MAP4: variants seen among roughly 807,000 people sequenced by gnomAD.
MAP4 encodes the protein microtubule-associated protein 4.
A neutral mutation model predicts 170.2 loss-of-function variants in MAP4; 76 were observed. That is an observed-to-expected ratio of 0.45 (90% confidence interval 0.37 to 0.54). MAP4 has a LOEUF of 0.54. Among genes scored for constraint, MAP4 ranks in the 20% least tolerant of loss-of-function variants. The probability of loss-of-function intolerance (pLI) is 0.00; values close to 1 mark genes in which losing one functional copy is unlikely to be tolerated. For missense variants in MAP4, 2,506 were observed against 2,748.0 expected (o/e 0.91, Z 1.97); for synonymous variants, 909 against 994.5 (o/e 0.91, Z 1.62).
chr3:48,060,734 C>T (rs1219146496), intron 1 of MAP4, among the ~76,000 whole-genome samples: 2 of 149,680 alleles, frequency 1.3e-5, no homozygotes, highest in Non-Finnish European at 3.0e-5. Flanking sequence ...GGCAACGTGT[C>T]GAAACCCTGT....
At chr3:47,859,967 T>A (rs1172380340) in intron 17 of MAP4, among the ~76,000 whole-genome samples, 1 of 152,164 alleles carries the variant, frequency 6.6e-6, no homozygotes, top group Non-Finnish European at 1.5e-5. Context: ...AATGGCCAAT[T>A]CAAGAAGAGG....
chr3:48,055,328 C>T (rs1272794084), intron 1 of MAP4, among the ~76,000 whole-genome samples: 1 of 152,202 alleles, frequency 6.6e-6, no homozygotes, highest in Non-Finnish European at 1.5e-5. Flanking sequence ...GATTCTCCTG[C>T]CTCAGTCTGC....
chr3:47,974,632 T>C (rs1426419282), intron 3 of MAP4: 12 of 953,226 alleles, frequency 1.3e-5, no homozygotes, highest in South Asian at 4.9e-5. Context: ...TTTCTATAAA[T>C]ACAATCAAAG....
At chr3:47,946,681 A>G (rs2100060219) in intron 3 of MAP4, among the ~76,000 whole-genome samples, 1 of 147,946 alleles carries the variant, frequency 6.8e-6, no homozygotes, top group African/African-American at 2.5e-5. Context: ...AAAAAAAAAG[A>G]AGCAACTATT....
At chr3:47,955,874 C>T (rs1347237588) in intron 3 of MAP4, among the ~76,000 whole-genome samples, 1 of 152,158 alleles carries the variant, frequency 6.6e-6, no homozygotes. Context: ...TCCAATGATA[C>T]TTGAAGTGTC....
chr3:47,871,556 G>A (rs961006389), intron 13 of MAP4, among the ~76,000 whole-genome samples: 1 of 152,062 alleles, frequency 6.6e-6, no homozygotes, highest in African/African-American at 2.4e-5. Flanking sequence ...TTATCATCAT[G>A]TAAGCCCATG....
intron 3 of MAP4, among the ~76,000 whole-genome samples, chr3:47,970,549 C>T (rs1304560640): frequency 1.3e-5 from 2 of 151,940 alleles, no homozygotes; most frequent in African/African-American, 4.8e-5. Context: ...GTGGCTCACA[C>T]CTACAATCCC....
chr3:47,922,253 T>A lies in MAP4; in HGVS notation c.416-375A>T, dbSNP rs370785918. ...CGTGAGCCACCATGCCTGGCCAATA[T>A]TTCTTATTATCCTATGATGAATATA... On this transcript the variant is annotated intron_variant, in intron 4 of 20. Transcript: ENST00000683076. Among the ~76,000 whole-genome samples, 4 of 152,322 alleles carry A rather than the reference T, an allele frequency of 2.6e-5. No homozygotes were observed. The South Asian group carries it at 8.3e-4, about 32-fold the overall frequency.
At chr3:47,892,282 G>A (rs1577169457) in intron 10 of MAP4, 1 of 1,536,180 alleles carries the variant, frequency 6.5e-7, no homozygotes, top group Non-Finnish European at 8.7e-7. Flanking sequence ...GCTCCAGGAA[G>A]CTGGCATTCT....
intron 3 of MAP4, among the ~76,000 whole-genome samples, chr3:47,970,527 A>T (rs1007090343): frequency 3.3e-5 from 5 of 151,554 alleles, no homozygotes; most frequent in African/African-American, 1.2e-4. Flanking sequence ...AAACATCAGA[A>T]GGCTGGGCGT....
chr3:47,891,754 A>C lies in MAP4; in HGVS notation c.5434+11196T>G, dbSNP rs746849188. The C allele has an allele frequency of 3.6e-5, 56 of 1,536,470 alleles. No individual in the cohort carries two copies. In the South Asian group the frequency reaches 6.3e-4, roughly 17 times the overall value. ...TGATTGGCGGAATGGTGGTGGGTGA[A>C]TGCTCAATAATGGGGGCTGGGTGGG... On this transcript the variant is annotated intron_variant, in intron 10 of 20. Transcript: ENST00000683076.
At chr3:47,883,316 C>G (rs968005514) in intron 10 of MAP4, among the ~76,000 whole-genome samples, 1 of 152,134 alleles carries the variant, frequency 6.6e-6, no homozygotes, top group African/African-American at 2.4e-5. Flanking sequence ...CTCCACCTCC[C>G]GAGTTCAAGC....
chr3:47,856,117 C>T (rs954808506), intron 18 of MAP4, among the ~76,000 whole-genome samples: 3 of 152,164 alleles, frequency 2.0e-5, no homozygotes, highest in Non-Finnish European at 4.4e-5. Flanking sequence ...GGGTGCGGGA[C>T]GAGCTGCCCT....
intron 3 of MAP4, among the ~76,000 whole-genome samples, chr3:47,946,419 TGAG>T (rs1008796428): frequency 1.3e-5 from 2 of 151,176 alleles, no homozygotes; most frequent in African/African-American, 4.8e-5. Context: ...TTTGGGAGGC[TGAG>T]GTGGGCAGAT....
intron 10 of MAP4, among the ~76,000 whole-genome samples, chr3:47,893,165 G>A (rs566423192): frequency 1.6e-4 from 25 of 152,242 alleles, no homozygotes; most frequent in Admixed American, 6.5e-4. Context: ...CCCAAAACCC[G>A]TAAGAGCTCC....
intron 17 of MAP4, among the ~76,000 whole-genome samples, chr3:47,865,362 G>C (rs1049997808): frequency 3.3e-5 from 5 of 152,152 alleles, no homozygotes; most frequent in African/African-American, 1.2e-4. Flanking sequence ...GGCCCCTCGT[G>C]GGCTGGATCT....
chr3:47,888,057 ACT>A (rs1469376539), intron 10 of MAP4, among the ~76,000 whole-genome samples: 4 of 151,930 alleles, frequency 2.6e-5, no homozygotes, highest in African/African-American at 4.8e-5. Flanking sequence ...ACCAATCGAC[ACT>A]CTGTATCTAG....
chr3:47,858,247 A>G (rs1274537997), intron 17 of MAP4, among the ~76,000 whole-genome samples: 2 of 151,846 alleles, frequency 1.3e-5, no homozygotes, highest in African/African-American at 4.8e-5. Context: ...TCCTGACCTC[A>G]GGTGATCCGC....
chr3:47,962,940 C>T (rs1249493964), intron 3 of MAP4, among the ~76,000 whole-genome samples: 1 of 152,214 alleles, frequency 6.6e-6, no homozygotes, highest in Non-Finnish European at 1.5e-5. Flanking sequence ...CTTAAGTTTA[C>T]AGTTGACATA....
Sources: gnomAD v4.1 joint callset for allele counts (sites outside exome capture counted in the v4.1 genomes callset) on GRCh38, gnomAD v4.1.1 for gene constraint, MANE v1.5 for transcripts, NCBI Gene and HGNC (gene_info 2026-07-23, HGNC 2026-07-21) for gene names.